Variants in CEP112 observed in about 807,000 individuals in gnomAD.
CEP112 encodes centrosomal protein of 112 kDa.
Under a neutral mutation model 153.0 loss-of-function variants are expected in CEP112, and 127 were observed. The observed-to-expected ratio is 0.83, with a 90% CI of 0.72 to 0.96. The LOEUF is 0.96. Among genes scored for constraint, CEP112 ranks in the 40% least tolerant of loss-of-function variants. The pLI is 0.00. For synonymous variants in CEP112, 358 were observed against 374.4 expected (o/e 0.96, Z 0.51); for missense variants, 1,089 against 1,101.2 (o/e 0.99, Z 0.16).
chr17:65,884,706 C>CTTTTTTTTTTTTTTTTTTTTTT (rs11370374), intron 20 of CEP112, among the ~76,000 whole-genome samples: 3 of 130,660 alleles, frequency 2.3e-5, no homozygotes, highest in Non-Finnish European at 4.7e-5. Flanking sequence ...TTTGTAGTTT[C>CTTTTTTTTTTTTTTTTTTTTTT]TTTTTTTTTT....
At chr17:65,835,351 G>A (rs115284430) in intron 21 of CEP112, among the ~76,000 whole-genome samples, 1 of 152,118 alleles carries the variant, frequency 6.6e-6, no homozygotes, top group African/African-American at 2.4e-5. Context: ...CCACGCACAG[G>A]AAGAAGTAAT....
chr17:65,882,991 GC>G lies in CEP112; in HGVS notation c.2163+19160del, dbSNP rs376053528. 7.9e-3 allele frequency among the ~76,000 whole-genome samples: 1,207 copies of G among 152,188 alleles called. 20 individuals are homozygous for G. Among genetic ancestry groups the G allele is most frequent in the African/African-American group, 0.027 (1,130 of 41,526 alleles). On this transcript the variant is annotated intron_variant, in intron 20 of 26. Transcript: ENST00000535342. ...CAGTGAATCTGCCTTCATTAATACAGCCACATGCATATGTTTGCTGAGGTCA... is the reference window on the plus strand; with the variant it reads ...CAGTGAATCTGCCTTCATTAATACAGCACATGCATATGTTTGCTGAGGTCA...
At chr17:65,969,948 C>A (rs957905007) in intron 17 of CEP112, among the ~76,000 whole-genome samples, 1 of 152,100 alleles carries the variant, frequency 6.6e-6, no homozygotes, top group Non-Finnish European at 1.5e-5. Flanking sequence ...ATGCATATCA[C>A]AGGTATATTA....
intron 8 of CEP112, among the ~76,000 whole-genome samples, chr17:66,086,380 C>CTTTTCTTT (rs2067931452): frequency 1.5e-5 from 1 of 67,026 alleles, no homozygotes; most frequent in African/African-American, 6.4e-5. Context: ...ATTTTCTTTT[C>CTTTTCTTT]TTTTTTTTTT....
At chr17:66,102,846 T>A (rs1436461744) in intron 6 of CEP112, among the ~76,000 whole-genome samples, 1 of 151,894 alleles carries the variant, frequency 6.6e-6, no homozygotes, top group Non-Finnish European at 1.5e-5. Context: ...TCATGATTTT[T>A]AAAAATATCC....
intron 20 of CEP112, among the ~76,000 whole-genome samples, chr17:65,887,578 C>T (rs941092045): frequency 6.6e-6 from 1 of 152,186 alleles, no homozygotes; most frequent in African/African-American, 2.4e-5. Flanking sequence ...ATCTAACCTT[C>T]AGCCCAGTGC....
At chr17:65,971,458 T>TCA (rs748974331) in intron 17 of CEP112, among the ~76,000 whole-genome samples, 5 of 141,702 alleles carry the variant, frequency 3.5e-5, no homozygotes, top group Non-Finnish European at 6.1e-5. Flanking sequence ...TGCATGCATA[T>TCA]CACACACATG....
intron 16 of CEP112, among the ~76,000 whole-genome samples, chr17:66,013,454 TG>T (rs2064629220): frequency 6.6e-6 from 1 of 152,162 alleles, no homozygotes. Flanking sequence ...TGGCATAAGG[TG>T]GGGTCCATCG....
chr17:65,751,957 TC>T (rs2051884468), intron 21 of CEP112, among the ~76,000 whole-genome samples: 4 of 566 alleles, frequency 7.1e-3, no homozygotes, highest in Admixed American at 0.036. Flanking sequence ...AGTCCTTCTA[TC>T]TATCTATCTA....
chr17:66,153,045 G>A (rs762296802), intron 4 of CEP112, among the ~76,000 whole-genome samples: 1 of 152,140 alleles, frequency 6.6e-6, no homozygotes, highest in Non-Finnish European at 1.5e-5. Flanking sequence ...GAGTTGATGA[G>A]GACGTGAAGA....
In CEP112 at chr17:65,826,247, A is replaced by T. The variant is rs141709389; in HGVS notation, c.2394+25557T>A. The T allele has an allele frequency of 1.9e-6, 3 of 1,613,838 alleles. No homozygotes were observed. In the African/African-American group the frequency reaches 4.0e-5, roughly 22 times the overall value. ...CTCTTCTCTCATCTCTATCAGTCTC[A>T]GGGCTTGGTTTTCCTTGGCAGATGG... On this transcript the variant is annotated intron_variant, in intron 21 of 26. Coordinates refer to ENST00000535342, the MANE Select transcript of CEP112 (RefSeq NM_001199165.4).
intron 4 of CEP112, among the ~76,000 whole-genome samples, chr17:66,163,009 T>C (rs926567808): frequency 6.6e-6 from 1 of 152,126 alleles, no homozygotes; most frequent in African/African-American, 2.4e-5. Flanking sequence ...CAAAATAATA[T>C]ATACAGTATG....
chr17:66,095,730 T>A (rs2068316533), intron 8 of CEP112, among the ~76,000 whole-genome samples: 1 of 152,164 alleles, frequency 6.6e-6, no homozygotes, highest in Non-Finnish European at 1.5e-5. Flanking sequence ...AATTTAGCCA[T>A]TTGACAATGT....
intron 4 of CEP112, among the ~76,000 whole-genome samples, chr17:66,152,261 G>A (rs867672223): frequency 1.2e-4 from 18 of 152,102 alleles, no homozygotes; most frequent in African/African-American, 3.4e-4. Flanking sequence ...ATCTGTTATC[G>A]GAAATGAGAA....
At chr17:66,098,669 G>A (rs540349517) in intron 6 of CEP112, among the ~76,000 whole-genome samples, 17 of 152,174 alleles carry the variant, frequency 1.1e-4, no homozygotes, top group South Asian at 1.0e-3. Flanking sequence ...ATTTTCTTTC[G>A]TGTGGACGCC....
intron 4 of CEP112, among the ~76,000 whole-genome samples, chr17:66,157,603 G>A (rs2146730906): frequency 6.6e-6 from 1 of 150,438 alleles, no homozygotes; most frequent in African/African-American, 2.4e-5. Flanking sequence ...AAAGAGTCAA[G>A]ACCCATCAGT....
chr17:65,815,383 T>G (rs1361991693), intron 21 of CEP112, among the ~76,000 whole-genome samples: 2 of 152,128 alleles, frequency 1.3e-5, no homozygotes, highest in Non-Finnish European at 2.9e-5. Flanking sequence ...CTGGTTGATA[T>G]GTTAATCTTT....
chr17:66,153,887 G>C (rs184672455), intron 4 of CEP112, among the ~76,000 whole-genome samples: 132 of 152,206 alleles, frequency 8.7e-4, no homozygotes, highest in African/African-American at 3.0e-3. Context: ...CAAGGGCCGG[G>C]TGTGGTGGCT....
chr17:65,789,404 A>C (rs2054469734), intron 21 of CEP112, among the ~76,000 whole-genome samples: 1 of 152,182 alleles, frequency 6.6e-6, no homozygotes, highest in Admixed American at 6.5e-5. Context: ...CTAAAGTATA[A>C]ATATGATCAT....
Sources: gnomAD v4.1 joint callset for allele counts (sites outside exome capture counted in the v4.1 genomes callset) on GRCh38, gnomAD v4.1.1 for gene constraint, MANE v1.5 for transcripts, NCBI Gene and HGNC (gene_info 2026-07-23, HGNC 2026-07-21) for gene names.